The following LIN54 variants were observed in gnomAD, a reference collection of about 807,000 sequenced individuals.
LIN54 encodes the protein protein lin-54 homolog.
A neutral mutation model predicts 78.7 loss-of-function variants in LIN54; 9 were observed. The ratio of observed to expected loss-of-function variants is 0.11; its 90% CI spans 0.07 to 0.20. The LOEUF is 0.20. Among genes scored for constraint, LIN54 ranks in the 10% least tolerant of loss-of-function variants. The probability of loss-of-function intolerance (pLI) is 1.00; values close to 1 mark genes in which losing one functional copy is unlikely to be tolerated. For missense variants in LIN54, 573 were observed against 889.9 expected (o/e 0.64, Z 4.53); for synonymous variants, 269 against 318.4 (o/e 0.84, Z 1.65).
chr4:82,998,834 T>C (rs971994141), intron 1 of LIN54, among the ~76,000 whole-genome samples: 1 of 152,024 alleles, frequency 6.6e-6, no homozygotes, highest in Non-Finnish European at 1.5e-5. Flanking sequence ...ATGTCATGAA[T>C]GTATGAAACA....
intron 4 of LIN54, among the ~76,000 whole-genome samples, chr4:82,953,290 G>A (rs1363509704): frequency 6.6e-6 from 1 of 152,184 alleles, no homozygotes; most frequent in Admixed American, 6.5e-5. Context: ...ATGCAAGACT[G>A]GAACGGGGAG....
At chr4:83,012,084 C>A, upstream of LIN54, 3 of 975,316 alleles carry the variant, frequency 3.1e-6, no homozygotes, top group Non-Finnish European at 3.7e-6. Flanking sequence ...CTGTCCACCA[C>A]CCACCCCAAT....
At chr4:82,954,399 A>ATTATTTATTTATTTATTTAT (rs10523473) in intron 4 of LIN54, among the ~76,000 whole-genome samples, 2 of 145,310 alleles carry the variant, frequency 1.4e-5, no homozygotes, top group Non-Finnish European at 3.0e-5. Flanking sequence ...TTTATATGAG[A>ATTATTTATTTATTTATTTAT]TTATTTATTT....
rs1160064054 is a variant in LIN54 at position 82,926,724 on chromosome 4, G to A, written c.*1378C>T. 1 of 152,112 alleles carries A rather than the reference G, an allele frequency of 6.6e-6. No homozygotes were observed. The highest frequency in any genetic ancestry group is 2.4e-5 in the African/African-American group (1 of 41,422). 9.4% of individuals were successfully genotyped at this position (152,112 alleles called of 1,614,324 possible). On this transcript the variant is annotated 3_prime_UTR_variant, in exon 13 of 13. Coordinates refer to ENST00000340417, the MANE Select transcript of LIN54 (RefSeq NM_194282.4). ...AAACAGACCTTCCAAATCACTGGCT[G>A]AAAATAATGCCATATTAAACTTCCC...
At chr4:82,957,251 T>C (rs916700612) in intron 4 of LIN54, among the ~76,000 whole-genome samples, 1 of 152,220 alleles carries the variant, frequency 6.6e-6, no homozygotes, top group Non-Finnish European at 1.5e-5. Flanking sequence ...GCCGGGATAT[T>C]TGCAAAACAC....
At chr4:82,935,832 C>T in intron 11 of LIN54, 149 bp downstream of exon 11, 1 of 730,544 alleles carries the variant, frequency 1.4e-6, no homozygotes. Flanking sequence ...GGCTCGAAGG[C>T]CTTCCTAAAA....
chr4:82,959,908 ATTATTT>A (rs1450391246), intron 4 of LIN54, among the ~76,000 whole-genome samples: 1 of 152,204 alleles, frequency 6.6e-6, no homozygotes, highest in African/African-American at 2.4e-5. Context: ...ACCATCACAA[ATTATTT>A]TTAAGAAGTT....
At chr4:83,002,339 G>A (rs546425268) in intron 1 of LIN54, among the ~76,000 whole-genome samples, 1 of 149,004 alleles carries the variant, frequency 6.7e-6, no homozygotes, top group South Asian at 2.1e-4. Flanking sequence ...TGGAGTTCAA[G>A]ACCAGCAACA....
intron 1 of LIN54, among the ~76,000 whole-genome samples, chr4:83,000,360 C>T (rs1728650934): frequency 6.6e-6 from 1 of 152,152 alleles, no homozygotes; most frequent in Admixed American, 6.5e-5. Context: ...ATCAGAACTG[C>T]CCTTATCTAT....
intron 11 of LIN54, among the ~76,000 whole-genome samples, chr4:82,934,442 T>G (rs558846466): frequency 2.0e-5 from 3 of 152,206 alleles, no homozygotes; most frequent in Non-Finnish European, 2.9e-5. Flanking sequence ...AACAAAAAAC[T>G]TGTCTCTTTA....
chr4:83,011,663 G>A (rs1326875516), upstream of LIN54, among the ~76,000 whole-genome samples: 1 of 151,988 alleles, frequency 6.6e-6, no homozygotes, highest in Non-Finnish European at 1.5e-5. Context: ...TTCAGAACAA[G>A]ATCCTAGAGC....
Position 83,001,505 on chromosome 4 carries a change from A to T in LIN54, c.-33+8979T>A, listed in dbSNP as rs1480455036. ...GTCAAGGATGCGGTGAGCTATGATC[A>T]CACCACCGCACTCCAGCCTGAGCAG... On this transcript the variant is annotated intron_variant, in intron 1 of 12. Coordinates refer to ENST00000340417, the MANE Select transcript of LIN54 (RefSeq NM_194282.4). 2.6e-5 allele frequency among the ~76,000 whole-genome samples: 4 copies of T among 151,898 alleles called. No homozygotes were observed. In the East Asian group the frequency reaches 7.8e-4, roughly 30 times the overall value.
At chr4:82,936,147 A>T in intron 10 of LIN54, 29 bp from the exon 11 acceptor site, 1 of 1,613,148 alleles carries the variant, frequency 6.2e-7, no homozygotes. Context: ...TATCAGTTAG[A>T]GTTAAATCAC....
chr4:82,972,841 C>A (rs778904775), intron 3 of LIN54, among the ~76,000 whole-genome samples: 1 of 150,406 alleles, frequency 6.6e-6, no homozygotes, highest in Admixed American at 6.7e-5. Flanking sequence ...ATTAGCCAGG[C>A]GTGGTAGCGT....
At chr4:82,990,365 G>T (rs1257400549) in intron 1 of LIN54, among the ~76,000 whole-genome samples, 1 of 152,202 alleles carries the variant, frequency 6.6e-6, no homozygotes, top group African/African-American at 2.4e-5. Flanking sequence ...CATTATGTGT[G>T]TATCAGTTCC....
intron 3 of LIN54, among the ~76,000 whole-genome samples, chr4:82,978,089 G>A (rs1297278133): frequency 5.3e-4 from 1 of 1,886 alleles, no homozygotes; most frequent in African/African-American, 7.8e-4. Context: ...AGAATCAATG[G>A]ACCAGAAATT....
intron 1 of LIN54, among the ~76,000 whole-genome samples, chr4:82,993,893 G>T (rs986367429): frequency 1.8e-4 from 27 of 152,226 alleles, no homozygotes; most frequent in African/African-American, 6.3e-4. Context: ...TGGGATTACA[G>T]GCATGAGCCA....
intron 4 of LIN54, among the ~76,000 whole-genome samples, chr4:82,967,479 C>G (rs1008484788): frequency 1.6e-4 from 24 of 152,128 alleles, no homozygotes; most frequent in African/African-American, 5.5e-4. Flanking sequence ...ACTTTTACCA[C>G]TGGGTTCTAG....
At chr4:82,944,136 G>T (rs1307962385) in intron 5 of LIN54, among the ~76,000 whole-genome samples, 1 of 152,022 alleles carries the variant, frequency 6.6e-6, no homozygotes, top group Non-Finnish European at 1.5e-5. Context: ...CTCCCAAAGT[G>T]CTGGGATTAC....
Sources: gnomAD v4.1 joint callset for allele counts (sites outside exome capture counted in the v4.1 genomes callset) on GRCh38, gnomAD v4.1.1 for gene constraint, MANE v1.5 for transcripts, NCBI Gene and HGNC (gene_info 2026-07-23, HGNC 2026-07-21) for gene names.